Variants in COMMD1 observed in about 807,000 individuals in gnomAD.
The protein encoded by COMMD1 is copper metabolism domain containing 1.
COMMD1 carries 10 observed loss-of-function variants against 17.2 expected under a neutral mutation model. The ratio of observed to expected loss-of-function variants is 0.58; its 90% CI spans 0.36 to 0.99. The LOEUF (loss-of-function observed/expected upper bound fraction) is 0.99. Ranked by LOEUF, COMMD1 falls within the 50% of genes least tolerant of loss-of-function variation. The pLI, the probability that COMMD1 is intolerant of heterozygous loss-of-function variation, is 0.01. For missense variants in COMMD1, 270 were observed against 231.8 expected, an observed-to-expected ratio of 1.17 and a Z score of -1.07; for synonymous variants, 97 against 91.6, an observed-to-expected ratio of 1.06 and a Z score of -0.34.
intron 1 of COMMD1, among the ~76,000 whole-genome samples, chr2:61,954,972 G>A (rs1273731024): frequency 1.3e-5 from 2 of 152,158 alleles, no homozygotes; most frequent in African/African-American, 4.8e-5. Flanking sequence ...ACCATGCCCA[G>A]CCTGATAAAG....
chr2:61,930,617 TTGTGTGTGTGTGTGTGTGTG>T (rs59488185), intron 1 of COMMD1, among the ~76,000 whole-genome samples: 1 of 146,056 alleles, frequency 6.8e-6, no homozygotes, highest in African/African-American at 2.5e-5. Flanking sequence ...CCACAGGGTT[TTGTGTGTGTGTGTGTGTGTG>T]TGTGTGTGTG....
chr2:61,931,691 T>C (rs1190793369), intron 1 of COMMD1, among the ~76,000 whole-genome samples: 2 of 152,228 alleles, frequency 1.3e-5, no homozygotes, highest in African/African-American at 4.8e-5. Context: ...CCTATATGTT[T>C]ATGGCTTTGA....
chr2:62,032,180 A>G (rs539488807), intron 2 of COMMD1, among the ~76,000 whole-genome samples: 15 of 152,196 alleles, frequency 9.9e-5, no homozygotes, highest in Admixed American at 5.2e-4. Context: ...ACTATCCAGC[A>G]TGTATGAATT....
chr2:61,969,239 A>G (rs1671585009), intron 1 of COMMD1: 1 of 155,582 alleles, frequency 6.4e-6, no homozygotes, highest in South Asian at 1.9e-4. Context: ...TTAGATCATT[A>G]TGTAATTTTT....
At chr2:62,046,056 C>T (rs1670375156) in intron 2 of COMMD1, among the ~76,000 whole-genome samples, 1 of 152,112 alleles carries the variant, frequency 6.6e-6, no homozygotes, top group Admixed American at 6.6e-5. Flanking sequence ...ATTATAAATT[C>T]CTCCCAATGT....
At chr2:62,013,204 TTC>T (rs1165816201) in intron 2 of COMMD1, among the ~76,000 whole-genome samples, 2 of 152,180 alleles carry the variant, frequency 1.3e-5, no homozygotes, top group East Asian at 3.9e-4. Flanking sequence ...TTAAAAGCAA[TTC>T]TCTTTTTCCT....
At chr2:61,995,872 A>C (rs1425719928) in intron 1 of COMMD1, among the ~76,000 whole-genome samples, 2 of 152,214 alleles carry the variant, frequency 1.3e-5, no homozygotes, top group Non-Finnish European at 2.9e-5. Flanking sequence ...AGTAATACAG[A>C]CATACCTCGG....
At chr2:62,096,103 C>G (rs941549329) in intron 2 of COMMD1, among the ~76,000 whole-genome samples, 5 of 151,910 alleles carry the variant, frequency 3.3e-5, no homozygotes, top group Admixed American at 6.6e-5. Context: ...AAGCAACTAA[C>G]TTTCTCCTAA....
intron 2 of COMMD1, among the ~76,000 whole-genome samples, chr2:62,037,684 C>G (rs1670077831): frequency 6.6e-6 from 1 of 152,320 alleles, no homozygotes. Context: ...GAGAAGCCAA[C>G]TGAAATATAC....
At chr2:62,077,366 T>C (rs2103971486) in intron 2 of COMMD1, among the ~76,000 whole-genome samples, 1 of 152,332 alleles carries the variant, frequency 6.6e-6, no homozygotes. Context: ...TTAACCACAT[T>C]AGTTGCCTCC....
intron 1 of COMMD1, among the ~76,000 whole-genome samples, chr2:61,971,705 T>A (rs561010910): frequency 7.2e-5 from 11 of 152,292 alleles, no homozygotes; most frequent in Non-Finnish European, 1.5e-4. Context: ...ATTACAGGCA[T>A]GTGTCACTGT....
At chr2:61,941,425 A>G (rs1003029172) in intron 1 of COMMD1, among the ~76,000 whole-genome samples, 2 of 152,234 alleles carry the variant, frequency 1.3e-5, no homozygotes, top group Non-Finnish European at 2.9e-5. Context: ...AGGGGTACCC[A>G]TGTAAAAGGG....
intron 1 of COMMD1, among the ~76,000 whole-genome samples, 162 bp downstream of exon 1, chr2:61,906,020 G>C (rs568630244): frequency 3.9e-5 from 6 of 152,264 alleles, no homozygotes; most frequent in South Asian, 2.1e-4. Context: ...AGATTTGCTC[G>C]TTCTGTCGCC....
rs192207308 is a variant in COMMD1, at chr2:61,920,405, G to T, written c.180+14547G>T. Among the ~76,000 whole-genome samples, 738 of 151,814 alleles carry T rather than the reference G, an allele frequency of 4.9e-3. 8 individuals carry two copies. Among genetic ancestry groups the T allele is most frequent in the African/African-American group, 0.016 (659 of 41,398 alleles). On this transcript the variant is annotated intron_variant, in intron 1 of 2. Transcript: ENST00000311832. ...TTCTAAAAATAAAGAGGGAAAGAAA[G>T]AACATACTTTTTTTTTTTTTTAAAC... is the stretch of plus-strand genomic sequence containing the variant.
At position 62,127,142 on chromosome 2, in the gene COMMD1, T is replaced by A. The variant is rs565217770; in HGVS notation, c.463-8689T>A. On this transcript the variant is annotated intron_variant, in intron 2 of 2. Coordinates refer to ENST00000311832, the MANE Select transcript of COMMD1 (RefSeq NM_152516.4). ...CCATTCACAATTGCTACAAAGAGAA[T>A]AAAATACCTAAGAGTACAGCTAACA... Among the ~76,000 whole-genome samples, 368 of 152,006 alleles carry A rather than the reference T, an allele frequency of 2.4e-3. 3 individuals are homozygous for A. Among genetic ancestry groups the A allele is most frequent in the African/African-American group, 8.1e-3 (334 of 41,460 alleles).
At chr2:62,020,630 A>G (rs1009668172) in intron 2 of COMMD1, among the ~76,000 whole-genome samples, 2 of 152,190 alleles carry the variant, frequency 1.3e-5, no homozygotes, top group Non-Finnish European at 1.5e-5. Context: ...GTCACACCTA[A>G]AAATCTCTTT....
intron 2 of COMMD1, among the ~76,000 whole-genome samples, chr2:62,073,684 C>T (rs2103965024): frequency 6.6e-6 from 1 of 152,284 alleles, no homozygotes; most frequent in Admixed American, 6.5e-5. Context: ...CTCAAATCGG[C>T]CCAGAATAAA....
At chr2:61,983,299 C>G (rs1446669968) in intron 1 of COMMD1, among the ~76,000 whole-genome samples, 1 of 151,498 alleles carries the variant, frequency 6.6e-6, no homozygotes, top group East Asian at 1.9e-4. Context: ...AAGTGATTCT[C>G]CTGCCTCAGC....
chr2:61,973,019 T>C (rs1259637780), intron 1 of COMMD1, among the ~76,000 whole-genome samples: 2 of 152,158 alleles, frequency 1.3e-5, no homozygotes. Context: ...TACTACTTTA[T>C]ATATTTGTCT....
Sources: allele counts gnomAD v4.1 joint callset (sites outside exome capture counted in the v4.1 genomes callset), GRCh38; gene constraint gnomAD v4.1.1; transcripts MANE v1.5; gene names NCBI Gene and HGNC (gene_info 2026-07-23, HGNC 2026-07-21).